Variants in SELENON observed in about 807,000 individuals in gnomAD.
The protein encoded by SELENON is selenoprotein N, 1.
SELENON carries 44 observed loss-of-function variants against 59.5 expected under a neutral mutation model. That is an observed-to-expected ratio of 0.74 (90% CI 0.58 to 0.95). The LOEUF (loss-of-function observed/expected upper bound fraction) is 0.95. Among genes scored for constraint, SELENON ranks in the 40% least tolerant of loss-of-function variants. The probability of loss-of-function intolerance (pLI) is 0.00; values close to 1 mark genes in which losing one functional copy is unlikely to be tolerated. For synonymous variants in SELENON, 320 were observed against 305.6 expected (o/e 1.05, Z -0.49); for missense variants, 674 against 721.4 (o/e 0.93, Z 0.75).
intron 12 of SELENON, 48 bp from the exon 12 acceptor site, chr1:25,815,500 C>T: frequency 6.3e-7 from 1 of 1,577,496 alleles, no homozygotes; most frequent in East Asian, 2.2e-5. Flanking sequence ...CACAGGGAGC[C>T]TGGGGGCCCC....
chr1:25,809,642 A>T (rs1461482736), intron 6 of SELENON, 41 bp from the exon 6 acceptor site: 1 of 1,611,042 alleles, frequency 6.2e-7, no homozygotes, highest in Non-Finnish European at 8.5e-7. Context: ...TCCTGGGGAG[A>T]AGGTGGGCAG....
At position 25,806,934 on chromosome 1, in the gene SELENON, G is replaced by A. The variant is rs1384067870; in HGVS notation, c.538-1646G>A. Among the ~76,000 whole-genome samples, 3 of 150,474 alleles carry A rather than the reference G, an allele frequency of 2.0e-5. No individual in the cohort carries two copies. In the Admixed American group the frequency reaches 2.0e-4, roughly 10 times the overall value. ...CCTCCCGGGTTCAAGCTATTCTCCT[G>A]CTTCAGCCTCCCGAGTAGCTGGGAC... On this transcript the variant is annotated intron_variant, in intron 4 of 12. Transcript: ENST00000361547.
chr1:25,817,259 G>C lies in SELENON; in HGVS notation c.*1541G>C. 6.5e-6 allele frequency: 1 copy of C among 153,362 alleles called. No homozygotes were observed. The highest frequency in any genetic ancestry group is 1.5e-5 in the Non-Finnish European group (1 of 68,896). 9.5% of individuals were successfully genotyped at this position (153,362 alleles called of 1,614,324 possible). A position where few individuals can be genotyped will look rare whatever the true frequency, so the allele number is the denominator to read the frequency against. ...AGACGGAGTCTTGCTCTGTCACCCA[G>C]GCTGGAGTGCTATGGCTCGATCTTG... On this transcript the variant is annotated 3_prime_UTR_variant, in exon 13 of 13. Coordinates refer to ENST00000361547, the MANE Select transcript of SELENON (RefSeq NM_020451.3).
chr1:25,806,197 G>A (rs549378857), intron 4 of SELENON, among the ~76,000 whole-genome samples: 22 of 152,378 alleles, frequency 1.4e-4, no homozygotes, highest in African/African-American at 4.3e-4. Context: ...TCTGGGCCCA[G>A]GGGGCATGCA....
intron 10 of SELENON, 22 bp from the exon 10 acceptor site, chr1:25,813,859 A>G: frequency 6.2e-7 from 1 of 1,600,246 alleles, no homozygotes; most frequent in Non-Finnish European, 8.6e-7. Flanking sequence ...GGGGCGCCTC[A>G]CCCTTCTGTC....
chr1:25,809,712 C>A lies in SELENON; in HGVS notation c.902C>A (p.Pro301Gln). ...CATGCCGAGTTCCAGCTCAGTGAGC[C>A]GCCCGACTTCCCCTTTTGGTTCTCC... The change falls in exon 7 of 13, where the codon CCG (proline) becomes CAG (glutamine). Residue 301 changes from proline (P) to glutamine (Q), a missense_variant. Transcript: ENST00000361547. The A allele has an allele frequency of 6.2e-7, 1 of 1,614,090 alleles. No individual in the cohort carries two copies. Among genetic ancestry groups the A allele is most frequent in the Non-Finnish European group, 8.5e-7 (1 of 1,180,034 alleles).
intron 4 of SELENON, among the ~76,000 whole-genome samples, chr1:25,806,542 G>C (rs1202332147): frequency 6.6e-6 from 1 of 152,154 alleles, no homozygotes; most frequent in African/African-American, 2.4e-5. Flanking sequence ...CAGGCTTCTG[G>C]CTGTGACCAG....
chr1:25,809,710 G>A lies in SELENON; in HGVS notation c.900G>A (p.Glu300=). 6.2e-7 allele frequency: 1 copy of A among 1,614,056 alleles called. No individual in the cohort carries two copies. Among genetic ancestry groups the A allele is most frequent in the Non-Finnish European group, 8.5e-7 (1 of 1,180,028 alleles). Residue 300 remains glutamate, a synonymous_variant, in exon 7 of 13, where the codon GAG becomes GAA. Transcript: ENST00000361547. ...TCCATGCCGAGTTCCAGCTCAGTGA[G>A]CCGCCCGACTTCCCCTTTTGGTTCT...
chr1:25,801,294 C>T lies in SELENON; in HGVS notation c.301+134C>T, dbSNP rs530925984. Reference sequence around the variant, plus strand: ...CCCTGGACTCCTCCCAGCTCTGACACTTTGTAGCTGGTGGCTTGGGCGAGC... The same window carrying T: ...CCCTGGACTCCTCCCAGCTCTGACATTTTGTAGCTGGTGGCTTGGGCGAGC... On this transcript the variant is annotated intron_variant, in intron 2 of 12. Transcript: ENST00000361547. 368 of 739,610 alleles carry T rather than the reference C, an allele frequency of 5.0e-4. 1 individual carries two copies. In the African/African-American group the frequency reaches 5.0e-3, roughly 10 times the overall value. 45.8% of individuals were successfully genotyped at this position (739,610 alleles called of 1,614,324 possible). A position where few individuals can be genotyped will look rare whatever the true frequency, so the allele number is the denominator to read the frequency against.
In SELENON at chr1:25,815,932, C is replaced by T; in HGVS notation, c.*214C>T. 1 of 576,512 alleles carries T rather than the reference C, an allele frequency of 1.7e-6. No homozygotes were observed. The highest frequency in any genetic ancestry group is 3.1e-6 in the Non-Finnish European group (1 of 321,402). The allele number at this position is 576,512 out of a possible 1,614,324, so 35.7% of individuals were successfully genotyped here. A position where few individuals can be genotyped will look rare whatever the true frequency, so the allele number is the denominator to read the frequency against. On this transcript the variant is annotated 3_prime_UTR_variant, in exon 13 of 13. Transcript: ENST00000361547. ...GCTGACTGGGCAGAGGAACCTCTAG[C>T]TCTGACTGTCACTCGGCTCTCCCTA... is the stretch of plus-strand genomic sequence containing the variant.
At position 25,815,881 on chromosome 1, in the gene SELENON, G is replaced by T; in HGVS notation, c.*163G>T. 1 of 679,032 alleles carries T rather than the reference G, an allele frequency of 1.5e-6. No homozygotes were observed. Among genetic ancestry groups the T allele is most frequent in the South Asian group, 1.8e-5 (1 of 54,652 alleles). 42.1% of individuals were successfully genotyped at this position (679,032 alleles called of 1,614,324 possible). The stretch of plus-strand genomic sequence containing the variant: ...TGGCCACCACAGCCTTGGCTCCATG[G>T]TGGCGGGTAGACAAGGGATGCCTGG... On this transcript the variant is annotated 3_prime_UTR_variant, in exon 13 of 13. Coordinates refer to ENST00000361547, the MANE Select transcript of SELENON (RefSeq NM_020451.3).
chr1:25,811,408 G>T, intron 7 of SELENON, 46 bp from the exon 7 acceptor site: 1 of 1,496,814 alleles, frequency 6.7e-7, no homozygotes, highest in South Asian at 1.1e-5. Context: ...GTGTGACACA[G>T]ATAATGGGCT....
In SELENON at chr1:25,801,981, C is replaced by G. The variant is rs369801735; in HGVS notation, c.302-35C>G. 8.5e-4 allele frequency: 214 copies of G among 250,852 alleles called. 1 individual carries two copies. The highest frequency in any genetic ancestry group is 4.1e-3 in the African/African-American group (179 of 43,170). 15.5% of individuals were successfully genotyped at this position (250,852 alleles called of 1,614,324 possible). ...GAATATGCAGTAGATTTCCAATAGA[C>G]AGCAGCTATAACTTTTTTTTTTTTT... is the stretch of plus-strand genomic sequence containing the variant. On this transcript the variant is annotated intron_variant, in intron 2 of 12. Transcript: ENST00000361547.
intron 6 of SELENON, 141 bp downstream of exon 5, chr1:25,809,291 C>T: frequency 7.7e-7 from 1 of 1,297,748 alleles, no homozygotes; most frequent in Admixed American, 2.0e-5. Flanking sequence ...GCTCTCTGAG[C>T]CTCAGTTTTC....
At position 25,811,887 on chromosome 1, in the gene SELENON, T is replaced by G. The variant is rs762014202; in HGVS notation, c.1281+8T>G. On this transcript the variant is annotated splice_region_variant and intron_variant, in intron 9 of 12. Transcript: ENST00000361547. ...ATGTACCCCTTCAAGAAGGTGAGGCTGGGCAGGGGTGAAGGCCAGGGTCAG... is the reference window on the plus strand; with the variant it reads ...ATGTACCCCTTCAAGAAGGTGAGGCGGGGCAGGGGTGAAGGCCAGGGTCAG... 1.9e-6 allele frequency: 3 copies of G among 1,555,544 alleles called. No homozygotes were observed. The highest frequency in any genetic ancestry group is 2.6e-6 in the Non-Finnish European group (3 of 1,150,032).
intron 9 of SELENON, 106 bp downstream of exon 8, chr1:25,811,985 T>G (rs1189172419): frequency 5.0e-6 from 6 of 1,208,150 alleles, no homozygotes; most frequent in Non-Finnish European, 6.0e-6. Context: ...CAGGGCTTGC[T>G]ACTGAGGCTG....
At chr1:25,810,129 C>G (rs547289155) in intron 7 of SELENON, among the ~76,000 whole-genome samples, 22 of 152,352 alleles carry the variant, frequency 1.4e-4, no homozygotes, top group African/African-American at 4.3e-4. Context: ...CCAGGCAGAG[C>G]TGTAACCGCA....
Position 25,813,870 on chromosome 1 carries a change from T to G in SELENON, c.1388-11T>G. 1.9e-6 allele frequency: 3 copies of G among 1,610,060 alleles called. No homozygotes were observed. The South Asian group carries it at 3.3e-5, about 18-fold the overall frequency. On this transcript the variant is annotated splice_polypyrimidine_tract_variant and intron_variant, in intron 10 of 12. Transcript: ENST00000361547. ...TGTGGGGGCGCCTCACCCTTCTGTC[T>G]TCCTGAACAGGTTCAGGGCGGACTC... is the stretch of plus-strand genomic sequence containing the variant.
At position 25,809,045 on chromosome 1, in the gene SELENON, T is replaced by C; in HGVS notation, c.767T>C (p.Leu256Pro). 1 of 1,613,778 alleles carries C rather than the reference T, an allele frequency of 6.2e-7. No homozygotes were observed. The highest frequency in any genetic ancestry group is 8.5e-7 in the Non-Finnish European group (1 of 1,180,032). ...CCCCAGGTCATCATCCACCGGCTCC[T>C]GAGCATGTTCCACCCTCGGCCCTTT... is the stretch of plus-strand genomic sequence containing the variant. The change falls in exon 6 of 13, where the codon CTG becomes CCG. Residue 256 changes from leucine (L) to proline (P), a missense_variant. Physicochemically the swap from Leu to Pro is moderately conservative, Grantham distance 98 (BLOSUM62 -3). Coordinates refer to ENST00000361547, the MANE Select transcript of SELENON (RefSeq NM_020451.3).
Sources: allele counts gnomAD v4.1 joint callset (sites outside exome capture counted in the v4.1 genomes callset), GRCh38; gene constraint gnomAD v4.1.1; transcripts MANE v1.5; gene names NCBI Gene and HGNC (gene_info 2026-07-23, HGNC 2026-07-21).